The following IFT81 variants were observed in gnomAD, a reference collection of about 807,000 sequenced individuals.
The protein encoded by IFT81 is intraflagellar transport protein 81 homolog.
A neutral mutation model predicts 102.6 loss-of-function variants in IFT81; 72 were observed. That is an observed-to-expected ratio of 0.70 (90% CI 0.58 to 0.85). The LOEUF (loss-of-function observed/expected upper bound fraction) is 0.85. IFT81 is among the 40% of genes least tolerant of loss of function. IFT81 has a pLI of 0.00. For missense variants in IFT81, 723 were observed against 787.3 expected (o/e 0.92, Z 0.98); for synonymous variants, 237 against 242.7 (o/e 0.98, Z 0.22).
chr12:110,171,466 C>T (rs1356337391), intron 11 of IFT81, among the ~76,000 whole-genome samples: 4 of 152,106 alleles, frequency 2.6e-5, no homozygotes, highest in East Asian at 3.9e-4. Flanking sequence ...TATATCATAT[C>T]GATTATTACA....
intron 11 of IFT81, among the ~76,000 whole-genome samples, chr12:110,171,264 AT>A (rs201740348): frequency 2.1e-3 from 307 of 144,552 alleles, no homozygotes; most frequent in South Asian, 5.7e-3. Context: ...GTTTTCATGG[AT>A]TTTTTTTTTT....
chr12:110,127,975 G>T (rs1893943843), intron 2 of IFT81, 71 bp from the exon 3 acceptor site: 3 of 1,060,406 alleles, frequency 2.8e-6, no homozygotes, highest in Non-Finnish European at 4.4e-6. Flanking sequence ...GAACAATTTT[G>T]TCAGTGAGTT....
chr12:110,140,645 G>A (rs1894833612), intron 8 of IFT81, among the ~76,000 whole-genome samples: 1 of 152,162 alleles, frequency 6.6e-6, no homozygotes, highest in African/African-American at 2.4e-5. Context: ...AAGAAGTCAG[G>A]ATGTAGATTT....
chr12:110,209,307 G>T, intron 18 of IFT81, 91 bp downstream of exon 18: 1 of 542,380 alleles, frequency 1.8e-6, no homozygotes. Context: ...GTTTTCAAAA[G>T]GTCATAGTAC....
At chr12:110,139,866 T>TAAAATAAAATATAAAATAAA (rs1477964163) in intron 8 of IFT81, among the ~76,000 whole-genome samples, 6 of 130,090 alleles carry the variant, frequency 4.6e-5, no homozygotes, top group African/African-American at 1.9e-4. Flanking sequence ...TAAAATAAAA[T>TAAAATAAAATATAAAATAAA]ATAAAATAAA....
chr12:110,192,910 C>CCAG (rs1566159586), intron 14 of IFT81, among the ~76,000 whole-genome samples: 1 of 152,050 alleles, frequency 6.6e-6, no homozygotes, highest in Non-Finnish European at 1.5e-5. Context: ...GCCTGTAATC[C>CCAG]CAGCACTTTG....
intron 11 of IFT81, among the ~76,000 whole-genome samples, chr12:110,174,814 A>G (rs1351316753): frequency 6.6e-6 from 1 of 152,218 alleles, no homozygotes; most frequent in Non-Finnish European, 1.5e-5. Context: ...ACATCTGTCA[A>G]TTTCCATTTT....
At chr12:110,188,248 C>T (rs897764254) in intron 12 of IFT81, among the ~76,000 whole-genome samples, 2 of 151,424 alleles carry the variant, frequency 1.3e-5, no homozygotes, top group Admixed American at 6.6e-5. Flanking sequence ...AGGAGAATGG[C>T]ATGAACCTGG....
At chr12:110,196,797 G>T (rs544481668) in intron 14 of IFT81, among the ~76,000 whole-genome samples, 3 of 152,182 alleles carry the variant, frequency 2.0e-5, no homozygotes, top group African/African-American at 7.2e-5. Flanking sequence ...GTATTATTTT[G>T]TCTACTATTA....
chr12:110,177,723 T>A (rs773281677), intron 11 of IFT81, among the ~76,000 whole-genome samples: 2 of 152,192 alleles, frequency 1.3e-5, no homozygotes, highest in Non-Finnish European at 1.5e-5. Flanking sequence ...TAGAAAAAAA[T>A]TAAATTTTAG....
At chr12:110,204,454 T>C (rs1898462216) in intron 15 of IFT81, 1 of 154,718 alleles carries the variant, frequency 6.5e-6, no homozygotes, top group Non-Finnish European at 1.4e-5. Flanking sequence ...AAATAAAATC[T>C]AACCACCAAA....
In IFT81 at chr12:110,205,786, C is replaced by T. The variant is rs1868547170; in HGVS notation, c.1802+106C>T. ...AATTTAGCATATTTAAGTAAGTAGA[C>T]ACTAAGATATTATTTAATACTAAAT... On this transcript the variant is annotated intron_variant, in intron 17 of 18. Transcript: ENST00000242591. 2.2e-5 allele frequency: 14 copies of T among 646,322 alleles called. No individual in the cohort carries two copies. In the South Asian group the frequency reaches 3.8e-4, roughly 18 times the overall value. The allele number at this position is 646,322 out of a possible 1,614,324, so 40.0% of individuals were successfully genotyped here. A position where few individuals can be genotyped will look rare whatever the true frequency, so the allele number is the denominator to read the frequency against.
chr12:110,148,174 A>T (rs1895328960), intron 10 of IFT81, among the ~76,000 whole-genome samples: 1 of 151,968 alleles, frequency 6.6e-6, no homozygotes, highest in African/African-American at 2.4e-5. Context: ...AAACTGGTTC[A>T]TTTTTCCCAT....
At position 110,143,606 on chromosome 12, in the gene IFT81, TATGTGA is replaced by T. The variant is rs1895025098; in HGVS notation, c.945+63_945+68del. 2.2e-6 allele frequency: 3 copies of T among 1,339,984 alleles called. No homozygotes were observed. The South Asian group carries it at 4.4e-5, about 19-fold the overall frequency. The allele number at this position is 1,339,984 out of a possible 1,614,324, so 83.0% of individuals were successfully genotyped here. ...TATCTGATCCCCAGTCCTATAAAATTATGTGAACTGCTTTCTGTAGTATCCCACTAT... is the reference window on the plus strand; with the variant it reads ...TATCTGATCCCCAGTCCTATAAAATTACTGCTTTCTGTAGTATCCCACTAT... On this transcript the variant is annotated intron_variant, in intron 9 of 18. Transcript: ENST00000242591.
At chr12:110,204,627 T>C (rs1593371822) in intron 15 of IFT81, 1 of 152,622 alleles carries the variant, frequency 6.6e-6, no homozygotes, top group African/African-American at 2.4e-5. Context: ...CTGCGTGATA[T>C]ACTCTGCTCC....
chr12:110,172,559 G>T (rs1008159931), intron 11 of IFT81, among the ~76,000 whole-genome samples: 5 of 152,068 alleles, frequency 3.3e-5, no homozygotes, highest in African/African-American at 1.2e-4. Context: ...ACTGGTTTTC[G>T]TATTTTTTTG....
chr12:110,179,842 A>G (rs949502862), intron 11 of IFT81, among the ~76,000 whole-genome samples: 3 of 141,744 alleles, frequency 2.1e-5, no homozygotes, highest in Non-Finnish European at 4.6e-5. Context: ...ATATACACAT[A>G]ATATATATAT....
intron 11 of IFT81, 32 bp downstream of exon 11, chr12:110,163,097 T>A: frequency 6.3e-7 from 1 of 1,584,714 alleles, no homozygotes; most frequent in Non-Finnish European, 8.6e-7. Context: ...GACAAGGGTA[T>A]GAGTATTGTT....
At chr12:110,207,556 CTTTTTTTTTT>C (rs896586216) in intron 17 of IFT81, among the ~76,000 whole-genome samples, 4 of 97,188 alleles carry the variant, frequency 4.1e-5, no homozygotes, top group Admixed American at 1.4e-4. Flanking sequence ...GTCCTTCAGT[CTTTTTTTTTT>C]TTTTTTTTTT....
Sources: gnomAD v4.1 joint callset for allele counts (sites outside exome capture counted in the v4.1 genomes callset) on GRCh38, gnomAD v4.1.1 for gene constraint, MANE v1.5 for transcripts, NCBI Gene and HGNC (gene_info 2026-07-23, HGNC 2026-07-21) for gene names.